Variants in SIK2 observed in about 807,000 individuals in gnomAD.
SIK2 encodes salt inducible kinase 2, also known as serine/threonine-protein kinase SIK2.
Under a neutral mutation model 103.2 loss-of-function variants are expected in SIK2, and 29 were observed. The observed-to-expected ratio is 0.28, with a 90% CI of 0.21 to 0.38. The LOEUF (loss-of-function observed/expected upper bound fraction) is 0.38, where lower values mean the gene tolerates loss of function less well. SIK2 is among the 10% of genes least tolerant of loss of function. The probability of loss-of-function intolerance (pLI) is 1.00; values close to 1 mark genes in which losing one functional copy is unlikely to be tolerated. For missense variants in SIK2, 879 were observed against 1,171.0 expected (o/e 0.75, Z 3.64); for synonymous variants, 412 against 446.1 (o/e 0.92, Z 0.96).
intron 3 of SIK2, among the ~76,000 whole-genome samples, chr11:111,631,037 CAA>C (rs1231314352): frequency 6.6e-6 from 1 of 151,976 alleles, no homozygotes; most frequent in Non-Finnish European, 1.5e-5. Context: ...CCAGAGTAGA[CAA>C]GAGACAATGG....
At chr11:111,721,115 T>C (rs957526230) in intron 12 of SIK2, 53 bp downstream of exon 12, 44 of 1,555,958 alleles carry the variant, frequency 2.8e-5, no homozygotes, top group Non-Finnish European at 3.8e-5. Context: ...AGGTGTGAGT[T>C]TGTCCTGAAG....
At chr11:111,662,917 G>T (rs1162819718) in intron 3 of SIK2, among the ~76,000 whole-genome samples, 2 of 151,180 alleles carry the variant, frequency 1.3e-5, no homozygotes, top group Admixed American at 6.6e-5. Context: ...ATAGCAAGTG[G>T]TGAAGAGTAC....
At position 111,726,215 on chromosome 11, in the gene SIK2, G is replaced by A. The variant is rs1037558208; in HGVS notation, c.*2086G>A. The A allele has an allele frequency of 6.6e-6, 1 of 152,316 alleles. No homozygotes were observed. The allele number at this position is 152,316 out of a possible 1,614,324, so 9.4% of individuals were successfully genotyped here. On this transcript the variant is annotated 3_prime_UTR_variant, in exon 15 of 15. Transcript: ENST00000304987. ...ATTAAAATGCCTGCAGATTGAAAAT[G>A]GGGGCCACTCATTTCAGAACTGCAG...
At chr11:111,651,298 C>T (rs747240686) in intron 3 of SIK2, among the ~76,000 whole-genome samples, 2 of 151,772 alleles carry the variant, frequency 1.3e-5, no homozygotes, top group African/African-American at 4.8e-5. Flanking sequence ...ACCTAAATAC[C>T]CATCTATGAT....
intron 3 of SIK2, among the ~76,000 whole-genome samples, chr11:111,647,369 A>AT (rs1942270453): frequency 1.3e-5 from 2 of 152,246 alleles, no homozygotes; most frequent in South Asian, 4.1e-4. Flanking sequence ...CATCAATCAG[A>AT]TTTTTTTATT....
chr11:111,711,369 C>T (rs566550256), intron 8 of SIK2, among the ~76,000 whole-genome samples: 4 of 152,178 alleles, frequency 2.6e-5, no homozygotes, highest in Non-Finnish European at 5.9e-5. Flanking sequence ...GATCCGCCTG[C>T]CTCGGCCTCC....
At chr11:111,647,128 T>C (rs553630307) in intron 3 of SIK2, among the ~76,000 whole-genome samples, 1 of 152,342 alleles carries the variant, frequency 6.6e-6, no homozygotes, top group Admixed American at 6.5e-5. Flanking sequence ...TTAACTGTTA[T>C]AGTAGTCCAT....
At chr11:111,685,366 T>C (rs1942832317) in intron 3 of SIK2, among the ~76,000 whole-genome samples, 1 of 152,178 alleles carries the variant, frequency 6.6e-6, no homozygotes, top group African/African-American at 2.4e-5. Context: ...GACCCCTCTT[T>C]TAAAGTAAGG....
chr11:111,621,627 A>G (rs185126736), intron 3 of SIK2, among the ~76,000 whole-genome samples: 193 of 152,188 alleles, frequency 1.3e-3, no homozygotes, highest in African/African-American at 4.5e-3. Context: ...TAATATAAGA[A>G]CCTTGGCTGG....
chr11:111,667,349 T>C (rs1417753414), intron 3 of SIK2, among the ~76,000 whole-genome samples: 1 of 152,148 alleles, frequency 6.6e-6, no homozygotes, highest in African/African-American at 2.4e-5. Context: ...AGGTGTGTGA[T>C]GAAAAGGCAG....
chr11:111,650,575 T>C (rs1312357036), intron 3 of SIK2, among the ~76,000 whole-genome samples: 1 of 151,980 alleles, frequency 6.6e-6, no homozygotes, highest in Non-Finnish European at 1.5e-5. Context: ...GGCCTAGGTA[T>C]CAATATCTAA....
intron 3 of SIK2, among the ~76,000 whole-genome samples, chr11:111,656,725 A>C (rs929352037): frequency 2.6e-5 from 4 of 152,158 alleles, no homozygotes. Flanking sequence ...ATTTCAAATA[A>C]AATTTTAAAA....
intron 3 of SIK2, among the ~76,000 whole-genome samples, chr11:111,687,118 C>T (rs1174485491): frequency 1.3e-5 from 2 of 152,082 alleles, no homozygotes; most frequent in African/African-American, 2.4e-5. Context: ...AGTACCTAGA[C>T]ATTAAAAAAA....
rs113188802 is a variant in SIK2, at chr11:111,662,711, T to C, written c.317-25290T>C. ...GGGCAACATGGCGATACCCTGTCTC[T>C]ACAAAAGATACAAAATAGTAGCTGG... is the stretch of plus-strand genomic sequence containing the variant. On this transcript the variant is annotated intron_variant, in intron 3 of 14. Coordinates refer to ENST00000304987, the MANE Select transcript of SIK2 (RefSeq NM_015191.3). Among the ~76,000 whole-genome samples the C allele has an allele frequency of 5.3e-3, 809 of 151,440 alleles. 8 individuals are homozygous for C. Among genetic ancestry groups the C allele is most frequent in the African/African-American group, 0.019 (781 of 41,248 alleles).
intron 3 of SIK2, among the ~76,000 whole-genome samples, chr11:111,657,489 A>G (rs1017296971): frequency 1.3e-5 from 2 of 152,068 alleles, no homozygotes; most frequent in Admixed American, 1.3e-4. Context: ...TCCCAGCCTC[A>G]AGCGATCCTC....
chr11:111,619,416 C>A (rs1177899312), intron 2 of SIK2, among the ~76,000 whole-genome samples: 1 of 151,766 alleles, frequency 6.6e-6, no homozygotes, highest in Non-Finnish European at 1.5e-5. Context: ...TTTTTTGAGA[C>A]ATAGTTTTCA....
chr11:111,658,290 A>G (rs1056729437), intron 3 of SIK2, among the ~76,000 whole-genome samples: 30 of 151,966 alleles, frequency 2.0e-4, no homozygotes, highest in African/African-American at 5.8e-4. Context: ...ACGCCCGGTT[A>G]ATTTTTGTAT....
At chr11:111,681,361 C>T (rs1449267532) in intron 3 of SIK2, among the ~76,000 whole-genome samples, 3 of 152,130 alleles carry the variant, frequency 2.0e-5, no homozygotes, top group Admixed American at 2.0e-4. Flanking sequence ...ATGAAAGGCA[C>T]CCTGAGACAG....
chr11:111,698,451 A>C (rs565690223), intron 4 of SIK2, among the ~76,000 whole-genome samples: 1 of 152,278 alleles, frequency 6.6e-6, no homozygotes, highest in South Asian at 2.1e-4. Context: ...AGACATTAAA[A>C]CTTACCAATG....
Sources: gnomAD v4.1 joint callset for allele counts (sites outside exome capture counted in the v4.1 genomes callset) on GRCh38, gnomAD v4.1.1 for gene constraint, MANE v1.5 for transcripts, NCBI Gene and HGNC (gene_info 2026-07-23, HGNC 2026-07-21) for gene names.